Variants in ENTHD1 observed in about 807,000 individuals in gnomAD.
ENTHD1 encodes the protein ENTH domain-containing protein 1.
ENTHD1 carries 23 observed loss-of-function variants against 39.1 expected under a neutral mutation model. The observed-to-expected ratio is 0.59, with a 90% CI of 0.42 to 0.83. The LOEUF (loss-of-function observed/expected upper bound fraction) is 0.83. Ranked by LOEUF, ENTHD1 falls within the 40% of genes least tolerant of loss-of-function variation. The pLI, the probability that ENTHD1 is intolerant of heterozygous loss-of-function variation, is 0.00. For missense variants in ENTHD1, 624 were observed against 705.4 expected (o/e 0.88, Z 1.31); for synonymous variants, 230 against 258.2 (o/e 0.89, Z 1.05).
At chr22:39,809,719 A>T (rs1054621337) in intron 5 of ENTHD1, among the ~76,000 whole-genome samples, 1 of 152,180 alleles carries the variant, frequency 6.6e-6, no homozygotes, top group Non-Finnish European at 1.5e-5. Flanking sequence ...AGTGGTTGTC[A>T]TCTGTAGGCT....
chr22:39,810,146 C>T (rs1436611112), intron 5 of ENTHD1, among the ~76,000 whole-genome samples: 2 of 152,184 alleles, frequency 1.3e-5, no homozygotes, highest in Admixed American at 6.5e-5. Flanking sequence ...AATGTAGCCA[C>T]AGGTGTGTAC....
chr22:39,773,938 A>G (rs1378528176), intron 5 of ENTHD1, among the ~76,000 whole-genome samples: 1 of 152,206 alleles, frequency 6.6e-6, no homozygotes. Flanking sequence ...TAAAGGGAAC[A>G]ATTTCAGCAA....
At chr22:39,812,039 A>AC (rs1307318166) in intron 5 of ENTHD1, among the ~76,000 whole-genome samples, 1 of 151,864 alleles carries the variant, frequency 6.6e-6, no homozygotes, top group Admixed American at 6.6e-5. Flanking sequence ...CATAGATGAA[A>AC]CCAGTCCTGA....
At chr22:39,848,289 C>T (rs1649066459) in intron 3 of ENTHD1, among the ~76,000 whole-genome samples, 1 of 150,462 alleles carries the variant, frequency 6.6e-6, no homozygotes, top group Non-Finnish European at 1.5e-5. Flanking sequence ...GAGTCTCACT[C>T]TGTCACCAGG....
intron 5 of ENTHD1, among the ~76,000 whole-genome samples, chr22:39,772,054 T>C (rs2065330507): frequency 6.6e-6 from 1 of 152,224 alleles, no homozygotes; most frequent in Admixed American, 6.5e-5. Flanking sequence ...TAAACGACTA[T>C]AGCAGCAGTC....
At chr22:39,758,447 G>T (rs2065202939) in intron 6 of ENTHD1, among the ~76,000 whole-genome samples, 1 of 152,142 alleles carries the variant, frequency 6.6e-6, no homozygotes, top group Non-Finnish European at 1.5e-5. Context: ...TTTTGGAGAT[G>T]GGTGTCTTGC....
chr22:39,825,707 GT>G (rs34494014), intron 4 of ENTHD1, among the ~76,000 whole-genome samples: 54 of 142,412 alleles, frequency 3.8e-4, no homozygotes, highest in East Asian at 2.0e-3. Flanking sequence ...AGTTTTTGTG[GT>G]TTTTTTTTTT....
At chr22:39,831,260 T>A (rs532648596) in intron 4 of ENTHD1, among the ~76,000 whole-genome samples, 43 of 152,060 alleles carry the variant, frequency 2.8e-4, no homozygotes, top group Non-Finnish European at 4.6e-4. Flanking sequence ...AAATACAGCA[T>A]CCTTTGGTCT....
At position 39,887,880 on chromosome 22, in the gene ENTHD1, C is replaced by G. The variant is rs1412293796; in HGVS notation, c.-132G>C. Reference sequence around the variant, plus strand: ...GCTCCCAAATACAAATAATTAATCTCTATGTTGATAAAGTATCAATTTCCT... The same window carrying G: ...GCTCCCAAATACAAATAATTAATCTGTATGTTGATAAAGTATCAATTTCCT... On this transcript the variant is annotated 5_prime_UTR_variant, in exon 2 of 7. Coordinates refer to ENST00000325157, the MANE Select transcript of ENTHD1 (RefSeq NM_152512.4). The G allele has an allele frequency of 1.7e-6, 1 of 604,342 alleles. No homozygotes were observed. The highest frequency in any genetic ancestry group is 2.7e-6 in the Non-Finnish European group (1 of 370,058). The allele number at this position is 604,342 out of a possible 1,614,324, so 37.4% of individuals were successfully genotyped here.
intron 6 of ENTHD1, among the ~76,000 whole-genome samples, chr22:39,749,939 A>C (rs1417775768): frequency 6.6e-6 from 1 of 152,188 alleles, no homozygotes; most frequent in Non-Finnish European, 1.5e-5. Flanking sequence ...CACCAGGTTG[A>C]TGTCTGCGTA....
intron 5 of ENTHD1, among the ~76,000 whole-genome samples, chr22:39,767,929 G>A (rs765812950): frequency 2.0e-5 from 3 of 152,192 alleles, no homozygotes; most frequent in Non-Finnish European, 4.4e-5. Context: ...AGCCCGGGAA[G>A]AATAGGCTGC....
chr22:39,753,066 C>T (rs1286348265), intron 6 of ENTHD1, among the ~76,000 whole-genome samples: 2 of 152,074 alleles, frequency 1.3e-5, no homozygotes, highest in South Asian at 2.1e-4. Context: ...TAGTGAAGAC[C>T]ATGGTAAAAA....
At chr22:39,892,691 T>C (rs1569185421) in intron 1 of ENTHD1, among the ~76,000 whole-genome samples, 1 of 152,194 alleles carries the variant, frequency 6.6e-6, no homozygotes, top group African/African-American at 2.4e-5. Context: ...CAATAGCATC[T>C]AAGAGGCTGA....
At chr22:39,884,208 T>C (rs548181055) in intron 2 of ENTHD1, among the ~76,000 whole-genome samples, 1 of 152,082 alleles carries the variant, frequency 6.6e-6, no homozygotes, top group Admixed American at 6.5e-5. Context: ...AGACAGAGTC[T>C]CACTCTGTTG....
At chr22:39,889,499 C>T (rs558199181) in intron 1 of ENTHD1, among the ~76,000 whole-genome samples, 20 of 152,318 alleles carry the variant, frequency 1.3e-4, no homozygotes, top group African/African-American at 4.8e-4. Context: ...CCCTGACGAA[C>T]ATCCAGACCC....
At chr22:39,785,688 C>T (rs773969223) in intron 5 of ENTHD1, among the ~76,000 whole-genome samples, 4 of 152,144 alleles carry the variant, frequency 2.6e-5, no homozygotes, top group Non-Finnish European at 5.9e-5. Context: ...AGTCCCCAAA[C>T]ATGAGACATC....
Position 39,765,440 on chromosome 22 carries a change from T to C in ENTHD1, c.1002A>G (p.Ala334=). The C allele has an allele frequency of 6.2e-7, 1 of 1,614,014 alleles. No individual in the cohort carries two copies. Among genetic ancestry groups the C allele is most frequent in the South Asian group, 1.1e-5 (1 of 91,074 alleles). ...EGLKTLTILP[A]CWSSKEEFIS... ...TAAACTCCTCTTTACTTGACCAACA[T>C]GCTGGTAAAATTGTCAATGTTTTAA... The change falls in exon 6 of 7, where the codon GCA becomes GCG. Residue 334 remains alanine, a synonymous_variant. Coordinates refer to ENST00000325157, the MANE Select transcript of ENTHD1 (RefSeq NM_152512.4).
At chr22:39,758,755 C>T (rs1367206549) in intron 6 of ENTHD1, among the ~76,000 whole-genome samples, 1 of 152,072 alleles carries the variant, frequency 6.6e-6, no homozygotes, top group Non-Finnish European at 1.5e-5. Context: ...AAATATATAC[C>T]CTTTATCAGC....
intron 5 of ENTHD1, among the ~76,000 whole-genome samples, chr22:39,792,616 C>T (rs910577073): frequency 6.6e-6 from 1 of 152,040 alleles, no homozygotes; most frequent in East Asian, 1.9e-4. Flanking sequence ...GTGGCTCATG[C>T]CTGTAATCCC....
Sources: allele counts gnomAD v4.1 joint callset (sites outside exome capture counted in the v4.1 genomes callset), GRCh38; gene constraint gnomAD v4.1.1; transcripts MANE v1.5; gene names NCBI Gene and HGNC (gene_info 2026-07-23, HGNC 2026-07-21).